Variants in KCNB2 observed in about 807,000 individuals in gnomAD.
KCNB2 encodes the protein potassium voltage-gated channel subfamily B member 2, also known as delayed rectifier potassium channel protein.
Under a neutral mutation model 61.5 loss-of-function variants are expected in KCNB2, and 15 were observed. That is an observed-to-expected ratio of 0.24 (90% CI 0.16 to 0.38). The LOEUF (loss-of-function observed/expected upper bound fraction) is 0.38, where lower values mean the gene tolerates loss of function less well. Ranked by LOEUF, KCNB2 falls within the 10% of genes least tolerant of loss-of-function variation. The pLI, the probability that KCNB2 is intolerant of heterozygous loss-of-function variation, is 1.00. For missense variants in KCNB2, 828 were observed against 1,125.2 expected, an observed-to-expected ratio of 0.74 and a Z score of 3.78; for synonymous variants, 457 against 446.0, an observed-to-expected ratio of 1.02 and a Z score of -0.31.
chr8:72,557,251 C>A (rs1450704299), intron 1 of KCNB2, among the ~76,000 whole-genome samples: 1 of 152,120 alleles, frequency 6.6e-6, no homozygotes, highest in African/African-American at 2.4e-5. Context: ...TACTGCCCAG[C>A]ATGTATTTCC....
At chr8:72,844,662 G>T (rs1453027126) in intron 2 of KCNB2, among the ~76,000 whole-genome samples, 1 of 151,954 alleles carries the variant, frequency 6.6e-6, no homozygotes, top group South Asian at 2.1e-4. Flanking sequence ...CTCTAATCTT[G>T]TCTTCATGCT....
intron 2 of KCNB2, among the ~76,000 whole-genome samples, chr8:72,597,001 CTTTTTTTTTTTTTTTTTTTTTTTTT>C (rs869160203): frequency 1.4e-4 from 9 of 64,658 alleles, no homozygotes; most frequent in East Asian, 1.3e-3. Flanking sequence ...TGCTTGCTTG[CTTTTTTTTTTTTTTTTTTTTTTTTT>C]TTTTTTTTTT....
At chr8:72,770,989 A>T (rs989347124) in intron 2 of KCNB2, among the ~76,000 whole-genome samples, 1 of 152,224 alleles carries the variant, frequency 6.6e-6, no homozygotes, top group Non-Finnish European at 1.5e-5. Flanking sequence ...TGTGATAGGA[A>T]CTCAGCTACA....
intron 2 of KCNB2, among the ~76,000 whole-genome samples, chr8:72,699,379 G>A (rs760602006): frequency 7.9e-5 from 12 of 151,810 alleles, no homozygotes; most frequent in East Asian, 3.8e-4. Context: ...TTTGTTGGCC[G>A]CATAAATATC....
chr8:72,658,805 G>T (rs1806333819), intron 2 of KCNB2, among the ~76,000 whole-genome samples: 1 of 152,150 alleles, frequency 6.6e-6, no homozygotes, highest in Non-Finnish European at 1.5e-5. Context: ...TCAATAAATG[G>T]AACAACAAAA....
chr8:72,603,488 C>T (rs1168777335), intron 2 of KCNB2, among the ~76,000 whole-genome samples: 2 of 152,192 alleles, frequency 1.3e-5, no homozygotes, highest in African/African-American at 4.8e-5. Flanking sequence ...TCATATGTCA[C>T]CTGCCTTGCA....
chr8:72,864,317 A>T (rs1182454128), intron 2 of KCNB2, among the ~76,000 whole-genome samples: 1 of 152,226 alleles, frequency 6.6e-6, no homozygotes, highest in Non-Finnish European at 1.5e-5. Flanking sequence ...GCTCCCTATC[A>T]AGGAAAATAT....
At chr8:72,588,430 T>TGACCTCAGGTGATCCGCC (rs944140882) in intron 2 of KCNB2, among the ~76,000 whole-genome samples, 6 of 152,112 alleles carry the variant, frequency 3.9e-5, no homozygotes, top group Admixed American at 6.5e-5. Flanking sequence ...TTGGTCAGGC[T>TGACCTCAGGTGATCCGCC]GACCTCAGGT....
At chr8:72,901,429 A>G (rs1806092258) in intron 2 of KCNB2, among the ~76,000 whole-genome samples, 2 of 152,200 alleles carry the variant, frequency 1.3e-5, no homozygotes, top group Admixed American at 6.5e-5. Flanking sequence ...AATATAAAAA[A>G]GAATGTATAT....
intron 2 of KCNB2, among the ~76,000 whole-genome samples, chr8:72,587,260 T>C (rs985781291): frequency 6.6e-6 from 1 of 152,152 alleles, no homozygotes; most frequent in African/African-American, 2.4e-5. Flanking sequence ...CCTATCCACC[T>C]CCCGAGACTG....
intron 2 of KCNB2, among the ~76,000 whole-genome samples, chr8:72,849,883 C>T (rs908706091): frequency 6.6e-6 from 1 of 152,144 alleles, no homozygotes; most frequent in African/African-American, 2.4e-5. Context: ...CAATTATGTG[C>T]ATCCAGGTAA....
At chr8:72,922,203 A>G (rs944208682) in intron 2 of KCNB2, among the ~76,000 whole-genome samples, 1 of 152,176 alleles carries the variant, frequency 6.6e-6, no homozygotes, top group Non-Finnish European at 1.5e-5. Context: ...TTACATGGCT[A>G]TCTGCCCTCT....
chr8:72,666,781 A>G (rs1301654578), intron 2 of KCNB2, among the ~76,000 whole-genome samples: 1 of 146,982 alleles, frequency 6.8e-6, no homozygotes, highest in Non-Finnish European at 1.5e-5. Flanking sequence ...GCCTCCTGAA[A>G]AAATAGAAAG....
chr8:72,812,155 G>T (rs893469810), intron 2 of KCNB2, among the ~76,000 whole-genome samples: 1 of 152,008 alleles, frequency 6.6e-6, no homozygotes. Flanking sequence ...CCAGCTACTC[G>T]CGAGGCTGAG....
chr8:72,684,357 C>T (rs573725022), intron 2 of KCNB2, among the ~76,000 whole-genome samples: 3 of 152,282 alleles, frequency 2.0e-5, no homozygotes, highest in Non-Finnish European at 4.4e-5. Context: ...GATGTGAAAA[C>T]CAGCGAGAGG....
chr8:72,678,252 C>A (rs1050723172), intron 2 of KCNB2, among the ~76,000 whole-genome samples: 1 of 152,212 alleles, frequency 6.6e-6, no homozygotes, highest in Non-Finnish European at 1.5e-5. Context: ...TAACTGAAAC[C>A]ATATTGCATT....
intron 1 of KCNB2, among the ~76,000 whole-genome samples, chr8:72,545,859 G>A (rs1806250008): frequency 6.6e-6 from 1 of 152,156 alleles, no homozygotes; most frequent in Non-Finnish European, 1.5e-5. Context: ...ATGAATACAT[G>A]AATGATAATA....
At chr8:72,711,202 A>G (rs762024169) in intron 2 of KCNB2, among the ~76,000 whole-genome samples, 2 of 152,198 alleles carry the variant, frequency 1.3e-5, no homozygotes, top group Non-Finnish European at 2.9e-5. Context: ...CAGAAGTGGT[A>G]CCTTTTGCTT....
At chr8:72,613,859 G>A (rs529152728) in intron 2 of KCNB2, among the ~76,000 whole-genome samples, 14 of 152,338 alleles carry the variant, frequency 9.2e-5, no homozygotes, top group African/African-American at 3.4e-4. Flanking sequence ...ATGAAGTAAC[G>A]TGAAAGAGTG....
Sources: gnomAD v4.1 joint callset for allele counts (sites outside exome capture counted in the v4.1 genomes callset) on GRCh38, gnomAD v4.1.1 for gene constraint, MANE v1.5 for transcripts, NCBI Gene and HGNC (gene_info 2026-07-23, HGNC 2026-07-21) for gene names.